The following LDAF1 variants were observed in gnomAD, a reference collection of about 807,000 sequenced individuals.
LDAF1 encodes lipid droplet assembly factor 1, also known as PROMETHIN.
Under a neutral mutation model 13.5 loss-of-function variants are expected in LDAF1, and 7 were observed. That is an observed-to-expected ratio of 0.52 (90% confidence interval 0.29 to 0.97). The LOEUF is 0.97. Among genes scored for constraint, LDAF1 ranks in the 50% least tolerant of loss-of-function variants. The probability of loss-of-function intolerance (pLI) is 0.07; values close to 1 mark genes in which losing one functional copy is unlikely to be tolerated. For synonymous variants in LDAF1, 69 were observed against 77.1 expected (o/e 0.89, Z 0.55); for missense variants, 148 against 193.2 (o/e 0.77, Z 1.39).
intron 1 of LDAF1, among the ~76,000 whole-genome samples, chr16:21,160,258 T>A (rs1254083978): frequency 1.4e-5 from 2 of 145,684 alleles, no homozygotes; most frequent in Non-Finnish European, 3.1e-5. Context: ...AAAATAAGAA[T>A]GATTTTTTTT....
Position 21,170,621 on chromosome 16 carries a change from A to G in LDAF1, c.265+16A>G. On this transcript the variant is annotated intron_variant, in intron 3 of 4. Transcript: ENST00000233047. ...ATATTGGAAGGTAGCCTGTTCCGTC[A>G]TTCACCCCTTTAGAAAATAATTCAA... is the stretch of plus-strand genomic sequence containing the variant. 6.2e-7 allele frequency: 1 copy of G among 1,613,520 alleles called. No individual in the cohort carries two copies. Among genetic ancestry groups the G allele is most frequent in the South Asian group, 1.1e-5 (1 of 91,028 alleles).
At chr16:21,174,705 C>G (rs1597563252) in intron 4 of LDAF1, among the ~76,000 whole-genome samples, 1 of 152,214 alleles carries the variant, frequency 6.6e-6, no homozygotes, top group African/African-American at 2.4e-5. Flanking sequence ...CATAGCAACT[C>G]TATCAGTATT....
chr16:21,171,461 A>G (rs1027315293), intron 3 of LDAF1, among the ~76,000 whole-genome samples: 1 of 152,176 alleles, frequency 6.6e-6, no homozygotes, highest in African/African-American at 2.4e-5. Flanking sequence ...AGCCAAATAC[A>G]GCCTGGCAGA....
Position 21,170,543 on chromosome 16 carries a change from T to G in LDAF1, c.203T>G (p.Phe68Cys). The change falls in exon 3 of 5, where the codon TTC becomes TGC. Residue 68 changes from phenylalanine (F) to cysteine (C), a missense_variant. Transcript: ENST00000233047. ...FIVMSAVPVG[F>C]FLLIVVLTTL... ...GTCATGTCGGCCGTTCCTGTTGGAT[T>G]CTTCCTGCTCATCGTGGTGCTTACC... The G allele has an allele frequency of 6.2e-7, 1 of 1,614,218 alleles. No individual in the cohort carries two copies. Among genetic ancestry groups the G allele is most frequent in the Non-Finnish European group, 8.5e-7 (1 of 1,180,032 alleles).
intron 2 of LDAF1, chr16:21,165,418 CA>C (rs1223011489): frequency 4.8e-6 from 1 of 206,296 alleles, no homozygotes. Context: ...CTCAAAAAAA[CA>C]AAAGGCTAAG....
rs533371685 is a variant in LDAF1 at position 21,174,077 on chromosome 16, C to A, written c.333C>A (p.Leu111=). 6.2e-6 allele frequency: 10 copies of A among 1,614,118 alleles called. No homozygotes were observed. The Admixed American group carries it at 8.3e-5, about 13-fold the overall frequency. Residue 111 remains leucine (L), a synonymous_variant, in exon 4 of 5, where the codon CTC becomes CTA. Transcript: ENST00000233047. ...TCTGTGGTTTGGGCTTCGTATCACT[C>A]GCCATGTCGGGGATGATGATAGCAT... is the stretch of plus-strand genomic sequence containing the variant. ...CILCGLGFVS[L]AMSGMMIASY...
chr16:21,170,471 A>G lies in LDAF1; in HGVS notation c.131A>G (p.Tyr44Cys). The part of the protein sequence containing the change: ...VAFMKSPVGQ[Y>C]LDSHPFLAFT... ...TTTATGAAGTCTCCAGTGGGTCAGT[A>G]CTTGGACAGCCATCCGTTTCTGGCC... Residue 44 changes from tyrosine to cysteine, a missense_variant, in exon 3 of 5, where the codon TAC (tyrosine) becomes TGC (cysteine). Tyr to Cys is a radical substitution (Grantham distance 194, BLOSUM62 -2). Transcript: ENST00000233047. 1 of 1,614,020 alleles carries G rather than the reference A, an allele frequency of 6.2e-7. No individual in the cohort carries two copies. The highest frequency in any genetic ancestry group is 8.5e-7 in the Non-Finnish European group (1 of 1,180,010).
rs1174537450 is a variant in LDAF1, at chr16:21,169,210, C to A, written c.97-1227C>A. ...GCGACTCTAGACAAGTGACTTAGTTCATTGCTTCTCAAACTTTAATGTGTA... is the reference window on the plus strand; with the variant it reads ...GCGACTCTAGACAAGTGACTTAGTTAATTGCTTCTCAAACTTTAATGTGTA... On this transcript the variant is annotated intron_variant, in intron 2 of 4. Coordinates refer to ENST00000233047, the MANE Select transcript of LDAF1 (RefSeq NM_001301771.2). 5 of 981,586 alleles carry A rather than the reference C, an allele frequency of 5.1e-6. No homozygotes were observed. In the African/African-American group the frequency reaches 7.0e-5, roughly 14 times the overall value. The allele number at this position is 981,586 out of a possible 1,614,324, so 60.8% of individuals were successfully genotyped here.
At position 21,161,151 on chromosome 16, in the gene LDAF1, T is replaced by C. The variant is rs150621803; in HGVS notation, c.-32T>C. On this transcript the variant is annotated 5_prime_UTR_variant, in exon 2 of 5. Coordinates refer to ENST00000233047, the MANE Select transcript of LDAF1 (RefSeq NM_001301771.2). ...CTGGAGAATTTACTGGTAGGATAATTCATCCCTAAAGAGATTGAAGTGAGC... is the reference window on the plus strand; with the variant it reads ...CTGGAGAATTTACTGGTAGGATAATCCATCCCTAAAGAGATTGAAGTGAGC... 22 of 1,609,920 alleles carry C rather than the reference T, an allele frequency of 1.4e-5. No individual in the cohort carries two copies. In the African/African-American group the frequency reaches 2.0e-4, roughly 15 times the overall value.
chr16:21,178,172 A>C lies in LDAF1; in HGVS notation c.405-1303A>C, dbSNP rs996552638. On this transcript the variant is annotated intron_variant, in intron 4 of 4. Transcript: ENST00000233047. ...AAATACACTGACCTGCCTCCTATGT[A>C]GATCAGCTAGCCTCTGAGGGGCAAA... The C allele has an allele frequency of 1.3e-5, 13 of 980,978 alleles. No individual in the cohort carries two copies. The African/African-American group carries it at 2.3e-4, about 17-fold the overall frequency. The allele number at this position is 980,978 out of a possible 1,614,324, so 60.8% of individuals were successfully genotyped here. A position where few individuals can be genotyped will look rare whatever the true frequency, so the allele number is the denominator to read the frequency against.
At chr16:21,171,181 C>A (rs1279282293) in intron 3 of LDAF1, among the ~76,000 whole-genome samples, 1 of 152,190 alleles carries the variant, frequency 6.6e-6, no homozygotes, top group Non-Finnish European at 1.5e-5. Context: ...TTCATCCTTC[C>A]TCCTGAAGTT....
chr16:21,164,918 T>C (rs149541797), intron 2 of LDAF1, among the ~76,000 whole-genome samples: 8 of 152,314 alleles, frequency 5.3e-5, no homozygotes, highest in Admixed American at 5.2e-4. Flanking sequence ...CTCGTAGCAT[T>C]GTAGGAAGAA....
intron 1 of LDAF1, among the ~76,000 whole-genome samples, chr16:21,160,716 A>G: frequency 6.6e-6 from 1 of 152,212 alleles, no homozygotes; most frequent in Admixed American, 6.5e-5. Flanking sequence ...AAAGTATCAT[A>G]CACATCTTTT....
At chr16:21,165,650 C>A (rs1270697032) in intron 2 of LDAF1, 1 of 942,170 alleles carries the variant, frequency 1.1e-6, no homozygotes, top group Non-Finnish European at 1.3e-6. Context: ...CTGCCTCTTG[C>A]ACATGATTGC....
In LDAF1 at chr16:21,174,102, T is replaced by C. The variant is rs762999518; in HGVS notation, c.358T>C (p.Ser120Pro). Residue 120 changes from serine to proline, a missense_variant, in exon 4 of 5, where the codon TCT (serine) becomes CCT (proline). By Grantham distance (74) the Ser-to-Pro change is moderately conservative. Coordinates refer to ENST00000233047, the MANE Select transcript of LDAF1 (RefSeq NM_001301771.2). Reference sequence around the variant, plus strand: ...CGCCATGTCGGGGATGATGATAGCATCTTATGTAGTGGTCTCCAGCCTCAT... The same window carrying C: ...CGCCATGTCGGGGATGATGATAGCACCTTATGTAGTGGTCTCCAGCCTCAT... ...SLAMSGMMIA[S>P]YVVVSSLISC... The C allele has an allele frequency of 8.1e-6, 13 of 1,614,150 alleles. 1 individual carries two copies. In the South Asian group the frequency reaches 1.4e-4, roughly 18 times the overall value.
At chr16:21,162,836 T>C (rs1363572548) in intron 2 of LDAF1, among the ~76,000 whole-genome samples, 1 of 152,248 alleles carries the variant, frequency 6.6e-6, no homozygotes, top group Non-Finnish European at 1.5e-5. Flanking sequence ...TCATTAACCA[T>C]GGTAGTTACG....
chr16:21,165,513 C>T (rs1399349916), intron 2 of LDAF1: 1 of 854,150 alleles, frequency 1.2e-6, no homozygotes, highest in Non-Finnish European at 1.4e-6. Flanking sequence ...TCCCTAAGTC[C>T]TGTGTATTCC....
At chr16:21,167,594 G>T (rs536464238) in intron 2 of LDAF1, among the ~76,000 whole-genome samples, 1 of 151,836 alleles carries the variant, frequency 6.6e-6, no homozygotes, top group Non-Finnish European at 1.5e-5. Context: ...CACAGGCTGT[G>T]GCCAACTATG....
In LDAF1 at chr16:21,179,699, C is replaced by T. The variant is rs893070131; in HGVS notation, c.*143C>T. On this transcript the variant is annotated 3_prime_UTR_variant, in exon 5 of 5. Transcript: ENST00000233047. ...GCTTTTTCACTTACTTGTAGGATCC[C>T]GCAGCAGCCAATTTAGGGATTGTGT... is the stretch of plus-strand genomic sequence containing the variant. The T allele has an allele frequency of 2.2e-5, 14 of 649,972 alleles. No individual in the cohort carries two copies. The highest frequency in any genetic ancestry group is 2.0e-4 in the African/African-American group (11 of 54,178). 40.3% of individuals were successfully genotyped at this position (649,972 alleles called of 1,614,324 possible).
Sources: allele counts gnomAD v4.1 joint callset (sites outside exome capture counted in the v4.1 genomes callset), GRCh38; gene constraint gnomAD v4.1.1; transcripts MANE v1.5; gene names NCBI Gene and HGNC (gene_info 2026-07-23, HGNC 2026-07-21).